NAV3: variants seen among roughly 807,000 people sequenced by gnomAD.
The protein encoded by NAV3 is neuron navigator 3.
In NAV3, 87 loss-of-function variants were observed where a neutral mutation model predicts 244.7. That is an observed-to-expected ratio of 0.36 (90% CI 0.30 to 0.42). The LOEUF is 0.42. Among genes scored for constraint, NAV3 ranks in the 20% least tolerant of loss-of-function variants. The pLI, the probability that NAV3 is intolerant of heterozygous loss-of-function variation, is 1.00. For missense variants in NAV3, 2,663 were observed against 2,893.3 expected, an observed-to-expected ratio of 0.92 and a Z score of 1.83; for synonymous variants, 1,126 against 1,042.2, an observed-to-expected ratio of 1.08 and a Z score of -1.55.
chr12:77,608,400 A>G (rs1592499602), intron 2 of NAV3, among the ~76,000 whole-genome samples: 1 of 152,132 alleles, frequency 6.6e-6, no homozygotes, highest in African/African-American at 2.4e-5. Context: ...GCAAGTCCTT[A>G]GTAGAATTAA....
intron 1 of NAV3, among the ~76,000 whole-genome samples, chr12:77,862,656 AG>A (rs1395371715): frequency 6.6e-6 from 1 of 151,900 alleles, no homozygotes; most frequent in East Asian, 1.9e-4. Flanking sequence ...ATTATAAAAA[AG>A]GGAGCATCAT....
intron 2 of NAV3, among the ~76,000 whole-genome samples, chr12:77,800,983 A>G (rs754531664): frequency 6.6e-6 from 1 of 152,092 alleles, no homozygotes; most frequent in Non-Finnish European, 1.5e-5. Flanking sequence ...AAATATCACA[A>G]CCATATTTTC....
chr12:77,706,735 G>A (rs1382132663), intron 2 of NAV3, among the ~76,000 whole-genome samples: 1 of 150,442 alleles, frequency 6.6e-6, no homozygotes, highest in East Asian at 2.0e-4. Context: ...GCAGGGCGTG[G>A]TGGCGGGCGC....
chr12:78,052,724 G>A (rs1226341941), intron 11 of NAV3, among the ~76,000 whole-genome samples: 2 of 151,976 alleles, frequency 1.3e-5, no homozygotes. Flanking sequence ...TAATGGCAAA[G>A]CAAGAGTGTC....
intron 2 of NAV3, among the ~76,000 whole-genome samples, chr12:77,742,283 A>G (rs1294608042): frequency 6.6e-6 from 1 of 152,086 alleles, no homozygotes. Flanking sequence ...GTACAACTTT[A>G]GTTTCCTTGC....
intron 12 of NAV3, among the ~76,000 whole-genome samples, chr12:78,068,243 T>G (rs1187489340): frequency 6.6e-6 from 1 of 151,986 alleles, no homozygotes; most frequent in Non-Finnish European, 1.5e-5. Flanking sequence ...ACTTTCTTAA[T>G]AAATAATAAT....
rs117966006 is a variant in NAV3, at chr12:77,779,874, A to C, written c.73-160445A>C. ...CAGCGTGGTTGTTTAAACTTGATCC[A>C]GCCTCTTTGCATCTTAAACAGTTGA... On this transcript the variant is annotated intron_variant, in intron 2 of 8. Transcript: ENST00000550042. Among the ~76,000 whole-genome samples the C allele has an allele frequency of 4.1e-4, 62 of 152,336 alleles. No individual in the cohort carries two copies. In the East Asian group the frequency reaches 6.2e-3, roughly 15 times the overall value.
intron 2 of NAV3, among the ~76,000 whole-genome samples, chr12:77,747,458 T>C (rs1868608406): frequency 6.6e-6 from 1 of 152,208 alleles, no homozygotes; most frequent in Admixed American, 6.5e-5. Flanking sequence ...GTTCAACCAT[T>C]GTGGAAGTCA....
At chr12:77,901,657 C>T (rs546874420) in intron 1 of NAV3, among the ~76,000 whole-genome samples, 232 of 152,236 alleles carry the variant, frequency 1.5e-3, no homozygotes, top group African/African-American at 5.4e-3. Context: ...TTGCAGTGAA[C>T]TGAGATCGCA....
intron 2 of NAV3, among the ~76,000 whole-genome samples, chr12:77,668,661 A>T (rs1002769107): frequency 6.6e-6 from 1 of 152,196 alleles, no homozygotes; most frequent in Non-Finnish European, 1.5e-5. Context: ...TATTGTCCAA[A>T]CCTAAGAATA....
intron 1 of NAV3, among the ~76,000 whole-genome samples, chr12:77,932,192 T>C (rs1158685203): frequency 6.6e-6 from 1 of 152,176 alleles, no homozygotes; most frequent in South Asian, 2.1e-4. Context: ...TTTTACTTAA[T>C]CCTTTTGTTT....
chr12:78,045,765 T>A (rs1881683460), intron 9 of NAV3, among the ~76,000 whole-genome samples: 1 of 152,188 alleles, frequency 6.6e-6, no homozygotes, highest in African/African-American at 2.4e-5. Context: ...TAGGGAGGTG[T>A]CCCTCTTTTT....
chr12:77,761,054 G>A (rs2887597), intron 2 of NAV3, among the ~76,000 whole-genome samples: 72,533 of 151,848 alleles, frequency 0.48, 17,599 homozygotes, highest in African/African-American at 0.55. Flanking sequence ...TTTATTAATT[G>A]ATTTACTAAT....
chr12:77,862,876 C>G (rs1045576505), intron 1 of NAV3, among the ~76,000 whole-genome samples: 1 of 151,124 alleles, frequency 6.6e-6, no homozygotes, highest in African/African-American at 2.4e-5. Flanking sequence ...AAGGAGGATA[C>G]TGTCATATTC....
At chr12:78,129,966 G>A (rs1440824119) in intron 18 of NAV3, among the ~76,000 whole-genome samples, 1 of 152,110 alleles carries the variant, frequency 6.6e-6, no homozygotes, top group East Asian at 1.9e-4. Context: ...TAAACTTCAA[G>A]TTAATCATCA....
chr12:77,639,886 G>A (rs1039201836), intron 2 of NAV3, among the ~76,000 whole-genome samples: 2 of 152,168 alleles, frequency 1.3e-5, no homozygotes, highest in Non-Finnish European at 2.9e-5. Flanking sequence ...CTGACTGGAG[G>A]CCTAAAAAGA....
At chr12:77,710,886 C>A (rs1158117442) in intron 2 of NAV3, among the ~76,000 whole-genome samples, 1 of 152,036 alleles carries the variant, frequency 6.6e-6, no homozygotes, top group Non-Finnish European at 1.5e-5. Flanking sequence ...TTTTTGGCAG[C>A]TACTTTTTAA....
intron 2 of NAV3, among the ~76,000 whole-genome samples, chr12:77,677,118 C>T (rs1360416226): frequency 6.6e-6 from 1 of 152,144 alleles, no homozygotes; most frequent in African/African-American, 2.4e-5. Context: ...CCACATTTAA[C>T]CAGAGGTATT....
At position 77,774,648 on chromosome 12, in the gene NAV3, A is replaced by T. The variant is rs377692427; in HGVS notation, c.73-165671A>T. ...CATACTGGAGAGCAAGTACTTATGT[A>T]GGGGACTGTCATCCCTCAGCTCTGC... On this transcript the variant is annotated intron_variant, in intron 2 of 8. Transcript: ENST00000550042. Among the ~76,000 whole-genome samples the T allele has an allele frequency of 4.0e-4, 61 of 152,282 alleles. No individual in the cohort carries two copies. The South Asian group carries it at 0.013, about 32-fold the overall frequency.
Sources: gnomAD v4.1 joint callset for allele counts (sites outside exome capture counted in the v4.1 genomes callset) on GRCh38, gnomAD v4.1.1 for gene constraint, MANE v1.5 for transcripts, NCBI Gene and HGNC (gene_info 2026-07-23, HGNC 2026-07-21) for gene names.